Variants in GRK3 observed in about 807,000 individuals in gnomAD.
GRK3 encodes the protein adrenergic, beta, receptor kinase 2.
Under a neutral mutation model 95.7 loss-of-function variants are expected in GRK3, and 54 were observed. The observed-to-expected ratio is 0.56, with a 90% CI of 0.45 to 0.71. The LOEUF (loss-of-function observed/expected upper bound fraction) is 0.71. Among genes scored for constraint, GRK3 ranks in the 30% least tolerant of loss-of-function variants. GRK3 has a pLI of 0.00. For missense variants in GRK3, 649 were observed against 851.2 expected (o/e 0.76, Z 2.96); for synonymous variants, 281 against 290.8 (o/e 0.97, Z 0.34).
At position 25,620,006 on chromosome 22, in the gene GRK3, TTGTGTG is replaced by T. The variant is rs56260834; in HGVS notation, c.190+15600_190+15605del. 2.0e-3 allele frequency among the ~76,000 whole-genome samples: 177 copies of T among 90,306 alleles called. 1 individual carries two copies. In the East Asian group the frequency reaches 0.024, roughly 12 times the overall value. The allele number at this position is 90,306 out of a possible 152,430, so 59.2% of individuals were successfully genotyped here. ...TTACTCTTCCTTTCCTTTGTCTTTT[TTGTGTG>T]TGTGTGTGTGTGTGTGTGTGTGTGT... On this transcript the variant is annotated intron_variant, in intron 2 of 20. Transcript: ENST00000324198.
At chr22:25,699,257 C>G (rs1378831716) in intron 13 of GRK3, among the ~76,000 whole-genome samples, 1 of 152,108 alleles carries the variant, frequency 6.6e-6, no homozygotes, top group Non-Finnish European at 1.5e-5. Context: ...GAAGGGAGCC[C>G]CTGGCAGCTG....
At chr22:25,580,820 C>CTTTA (rs1275895546) in intron 1 of GRK3, among the ~76,000 whole-genome samples, 2 of 152,124 alleles carry the variant, frequency 1.3e-5, no homozygotes, top group Non-Finnish European at 1.5e-5. Flanking sequence ...TTTTAAAATG[C>CTTTA]TTTAAAAAAT....
Position 25,687,602 on chromosome 22 carries a change from G to T in GRK3, c.892G>T (p.Ala298Ser). 1 of 1,614,118 alleles carries T rather than the reference G, an allele frequency of 6.2e-7. No homozygotes were observed. The highest frequency in any genetic ancestry group is 8.5e-7 in the Non-Finnish European group (1 of 1,179,972). ...CTCTGAGAAGGAGATGCGGTTTTATGCCACTGAAATCATTCTGGGTCTGGA... is the reference window on the plus strand; with the variant it reads ...CTCTGAGAAGGAGATGCGGTTTTATTCCACTGAAATCATTCTGGGTCTGGA... Reference protein sequence around the residue: ...VFSEKEMRFYATEIILGLEHM... With the variant: ...VFSEKEMRFYSTEIILGLEHM... The change falls in exon 11 of 21, where the codon GCC becomes TCC. Residue 298 changes from alanine (A) to serine (S), a missense_variant. Coordinates refer to ENST00000324198, the MANE Select transcript of GRK3 (RefSeq NM_005160.4).
intron 2 of GRK3, among the ~76,000 whole-genome samples, chr22:25,612,101 A>G (rs991593952): frequency 5.9e-5 from 9 of 152,070 alleles, no homozygotes; most frequent in African/African-American, 2.2e-4. Flanking sequence ...CCAAAGTGCT[A>G]GGATTACAGG....
In GRK3 at chr22:25,722,443, G is replaced by T. The variant is rs200523866; in HGVS notation, c.2060G>T (p.Gly687Val). The T allele has an allele frequency of 1.1e-5, 17 of 1,613,970 alleles. 1 individual carries two copies. In the South Asian group the frequency reaches 1.9e-4, roughly 18 times the overall value. The change falls in exon 21 of 21, where the codon GGC (glycine) becomes GTC (valine). Residue 687 changes from glycine to valine, a missense_variant. This residue lies in a region of GRK3 where 382 missense variants were observed against 493.8 expected (regional missense o/e 0.77). Coordinates refer to ENST00000324198, the MANE Select transcript of GRK3 (RefSeq NM_005160.4). ...TCCCTCTGTCACAGAAACAGCAACG[G>T]CCTCTAGCACCCAGAAACAGGGAGG... ...KPSLCHRNSN[G>V]L
At chr22:25,712,269 G>A (rs941978432) in intron 17 of GRK3, among the ~76,000 whole-genome samples, 2 of 152,212 alleles carry the variant, frequency 1.3e-5, no homozygotes, top group Non-Finnish European at 2.9e-5. Flanking sequence ...CCAACTGAGG[G>A]ACACCCTTCT....
intron 1 of GRK3, among the ~76,000 whole-genome samples, chr22:25,573,187 C>G (rs945339844): frequency 1.3e-5 from 2 of 152,218 alleles, no homozygotes; most frequent in Non-Finnish European, 2.9e-5. Context: ...TCATAATGCA[C>G]ACTGCTGTGT....
intron 5 of GRK3, among the ~76,000 whole-genome samples, chr22:25,666,021 G>C (rs977413327): frequency 1.3e-5 from 2 of 152,118 alleles, no homozygotes; most frequent in African/African-American, 2.4e-5. Context: ...ATTTAGATAC[G>C]ACTGTTCTCT....
At chr22:25,576,805 GT>G (rs1377676118) in intron 1 of GRK3, among the ~76,000 whole-genome samples, 2 of 152,186 alleles carry the variant, frequency 1.3e-5, no homozygotes, top group African/African-American at 4.8e-5. Context: ...TCAGACGTTA[GT>G]GACACAATTT....
At chr22:25,687,963 G>C (rs189312294) in intron 11 of GRK3, among the ~76,000 whole-genome samples, 2 of 152,278 alleles carry the variant, frequency 1.3e-5, no homozygotes, top group South Asian at 4.1e-4. Context: ...TAGGCCAGGT[G>C]CGGTGGCTCA....
intron 6 of GRK3, among the ~76,000 whole-genome samples, chr22:25,669,823 G>T (rs2084967058): frequency 6.6e-6 from 1 of 152,214 alleles, no homozygotes; most frequent in East Asian, 1.9e-4. Flanking sequence ...TGTAAAATGT[G>T]TCAGATTTCC....
chr22:25,575,912 A>G (rs1332942441), intron 1 of GRK3, among the ~76,000 whole-genome samples: 1 of 152,206 alleles, frequency 6.6e-6, no homozygotes, highest in Non-Finnish European at 1.5e-5. Flanking sequence ...TGTACTAAGC[A>G]TCTGTCTCTT....
At chr22:25,570,819 A>G (rs2146310345) in intron 1 of GRK3, among the ~76,000 whole-genome samples, 2 of 152,202 alleles carry the variant, frequency 1.3e-5, no homozygotes, top group South Asian at 4.2e-4. Context: ...TGATTGCTCT[A>G]TGAGCCTAAA....
chr22:25,681,379 G>A (rs2085072772), intron 9 of GRK3, among the ~76,000 whole-genome samples: 1 of 152,260 alleles, frequency 6.6e-6, no homozygotes, highest in Non-Finnish European at 1.5e-5. Context: ...GGGTGGAGAT[G>A]GGGTCAGCGA....
intron 5 of GRK3, among the ~76,000 whole-genome samples, chr22:25,667,361 C>G (rs2084949158): frequency 6.6e-6 from 1 of 152,132 alleles, no homozygotes; most frequent in South Asian, 2.1e-4. Context: ...GCTCCTCATA[C>G]AAAAATGATT....
At chr22:25,671,776 G>C (rs972360624) in intron 6 of GRK3, among the ~76,000 whole-genome samples, 7 of 152,326 alleles carry the variant, frequency 4.6e-5, no homozygotes, top group African/African-American at 1.7e-4. Context: ...TTTTGTCTTA[G>C]AGCTGTGCTT....
chr22:25,676,467 C>T (rs1445638362), intron 8 of GRK3, among the ~76,000 whole-genome samples: 2 of 151,792 alleles, frequency 1.3e-5, no homozygotes, highest in African/African-American at 4.8e-5. Context: ...TGAGGTGGGC[C>T]GATCACGAGG....
At chr22:25,703,902 T>C (rs2085278353) in intron 14 of GRK3, among the ~76,000 whole-genome samples, 1 of 152,240 alleles carries the variant, frequency 6.6e-6, no homozygotes, top group African/African-American at 2.4e-5. Flanking sequence ...TGAGAATGCC[T>C]TCCGGTTCTT....
rs1465550964 is a variant in GRK3 at position 25,728,035 on chromosome 22, T to G, written c.*5585T>G. ...TTAGCACAAAGGCATTTTATATTAT[T>G]TATTGAATCCATAAGTTTGTTTTCG... On this transcript the variant is annotated 3_prime_UTR_variant, in exon 21 of 21. Coordinates refer to ENST00000324198, the MANE Select transcript of GRK3 (RefSeq NM_005160.4). 6.6e-6 allele frequency: 1 copy of G among 152,218 alleles called. No homozygotes were observed. The highest frequency in any genetic ancestry group is 1.5e-5 in the Non-Finnish European group (1 of 68,036). 9.4% of individuals were successfully genotyped at this position (152,218 alleles called of 1,614,324 possible).
Sources: allele counts gnomAD v4.1 joint callset (sites outside exome capture counted in the v4.1 genomes callset), GRCh38; gene constraint gnomAD v4.1.1; regional missense constraint gnomAD v4.1.1; transcripts MANE v1.5; gene names NCBI Gene and HGNC (gene_info 2026-07-23, HGNC 2026-07-21).